Variants in CSTPP1 observed in about 807,000 individuals in gnomAD.
CSTPP1 encodes the protein UPF0705 protein C11orf49.
chr11:47,110,391 CAG>C, the CSTPP1 span, among the ~76,000 whole-genome samples: 1 of 152,148 alleles, frequency 6.6e-6, no homozygotes, highest in African/African-American at 2.4e-5. Flanking sequence ...GGCAGACAGA[CAG>C]AGAGTTTGAG....
chr11:46,937,904 G>A, the CSTPP1 span, among the ~76,000 whole-genome samples: 1 of 151,750 alleles, frequency 6.6e-6, no homozygotes, highest in Non-Finnish European at 1.5e-5. Context: ...GTTTTGTTTT[G>A]TTTTTTGAGA....
At chr11:47,005,380 C>G in the CSTPP1 span, among the ~76,000 whole-genome samples, 2 of 152,114 alleles carry the variant, frequency 1.3e-5, no homozygotes, top group African/African-American at 4.8e-5. Flanking sequence ...GATATGGTCA[C>G]TTCCCTGTAA....
At chr11:47,140,461 AG>A in the CSTPP1 span, among the ~76,000 whole-genome samples, 1 of 152,110 alleles carries the variant, frequency 6.6e-6, no homozygotes, top group East Asian at 1.9e-4. Flanking sequence ...CTCACTCTGT[AG>A]CCCAGGCTGG....
chr11:47,036,431 G>C, the CSTPP1 span, among the ~76,000 whole-genome samples: 2 of 115,470 alleles, frequency 1.7e-5, 1 homozygote, highest in Non-Finnish European at 4.0e-5. Context: ...ATACCCTCAG[G>C]CTAAAACAAC....
At chr11:47,101,938 T>G in the CSTPP1 span, among the ~76,000 whole-genome samples, 14 of 152,178 alleles carry the variant, frequency 9.2e-5, no homozygotes, top group Non-Finnish European at 2.1e-4. Context: ...GACCTAAATT[T>G]AGCTATCTAA....
the CSTPP1 span, among the ~76,000 whole-genome samples, chr11:46,937,350 C>A: frequency 6.0e-3 from 7 of 1,158 alleles, no homozygotes. Context: ...AGGTAACTTG[C>A]GTTAAGTTAG....
chr11:47,016,313 A>T, the CSTPP1 span, among the ~76,000 whole-genome samples: 1 of 151,598 alleles, frequency 6.6e-6, no homozygotes, highest in South Asian at 2.1e-4. Context: ...CCAGTGGATA[A>T]GGCAAGAAAA....
chr11:47,124,114 CTTTTTTTTTT>C, the CSTPP1 span, among the ~76,000 whole-genome samples: 16 of 63,232 alleles, frequency 2.5e-4, no homozygotes, highest in East Asian at 2.6e-3. Context: ...AATGGTCTTA[CTTTTTTTTTT>C]TTTTTTTTTT....
the CSTPP1 span, chr11:47,159,605 T>C: frequency 6.6e-6 from 3 of 456,056 alleles, no homozygotes; most frequent in Non-Finnish European, 8.8e-6. Flanking sequence ...TACTCCTCGT[T>C]ATGACCACTC....
chr11:46,994,569 G>A, the CSTPP1 span, among the ~76,000 whole-genome samples: 3 of 152,134 alleles, frequency 2.0e-5, no homozygotes, highest in Non-Finnish European at 2.9e-5. Flanking sequence ...TTTATATGAT[G>A]GATTACATTT....
chr11:47,105,375 C>A, the CSTPP1 span, among the ~76,000 whole-genome samples: 2 of 152,122 alleles, frequency 1.3e-5, no homozygotes, highest in African/African-American at 4.8e-5. Flanking sequence ...GGCGTGGTAG[C>A]CTGTATTCCC....
chr11:47,120,405 C>T, the CSTPP1 span, among the ~76,000 whole-genome samples: 3 of 152,148 alleles, frequency 2.0e-5, no homozygotes, highest in Non-Finnish European at 2.9e-5. The surrounding 1 kb of genome is among the most constrained non-coding windows in gnomAD (Gnocchi z 4.2). Flanking sequence ...AAGCCACTTA[C>T]TCTTTAAGCC....
the CSTPP1 span, among the ~76,000 whole-genome samples, chr11:47,158,746 G>T: frequency 6.6e-6 from 1 of 152,156 alleles, no homozygotes; most frequent in African/African-American, 2.4e-5. Flanking sequence ...TGTTGCCCAG[G>T]CTGGTTTCAA....
chr11:46,995,372 G>A, the CSTPP1 span, among the ~76,000 whole-genome samples: 19 of 152,130 alleles, frequency 1.2e-4, no homozygotes, highest in Non-Finnish European at 2.8e-4. Context: ...TGATGTTAGG[G>A]TGTCAGTTTT....
the CSTPP1 span, among the ~76,000 whole-genome samples, chr11:47,153,628 T>C: frequency 1.3e-5 from 2 of 152,142 alleles, no homozygotes; most frequent in Non-Finnish European, 2.9e-5. Context: ...ACCTGTAGGA[T>C]TGTTGTGGGA....
At chr11:47,153,927 A>G in the CSTPP1 span, among the ~76,000 whole-genome samples, 1 of 152,024 alleles carries the variant, frequency 6.6e-6, no homozygotes, top group East Asian at 1.9e-4. Flanking sequence ...AAAATATGAG[A>G]GAGCAAAAGA....
the CSTPP1 span, among the ~76,000 whole-genome samples, chr11:47,064,865 C>G: frequency 6.6e-6 from 1 of 152,152 alleles, no homozygotes; most frequent in Non-Finnish European, 1.5e-5. Context: ...CTGCTTCAGC[C>G]TCCTGTGTAG....
the CSTPP1 span, among the ~76,000 whole-genome samples, chr11:47,031,909 T>C: frequency 6.6e-6 from 1 of 152,066 alleles, no homozygotes; most frequent in African/African-American, 2.4e-5. Context: ...CTGAAGAACT[T>C]GGAGTCCAAT....
the CSTPP1 span, among the ~76,000 whole-genome samples, chr11:47,013,203 A>G: frequency 6.7e-6 from 1 of 148,912 alleles, no homozygotes; most frequent in South Asian, 2.1e-4. Context: ...GTAGTTATAT[A>G]TAAATGGTTA....
Sources: allele counts gnomAD v4.1 joint callset (sites outside exome capture counted in the v4.1 genomes callset), GRCh38; gene constraint gnomAD v4.1.1; non-coding constraint Gnocchi (gnomAD v3.1); transcripts MANE v1.5; gene names NCBI Gene and HGNC (gene_info 2026-07-23, HGNC 2026-07-21).